The following DLG2 variants were observed in gnomAD, a reference collection of about 807,000 sequenced individuals.
DLG2 encodes the protein disks large homolog 2.
Under a neutral mutation model 132.5 loss-of-function variants are expected in DLG2, and 45 were observed. The ratio of observed to expected loss-of-function variants is 0.34; its 90% CI spans 0.27 to 0.44. The LOEUF is 0.44. Among genes scored for constraint, DLG2 ranks in the 20% least tolerant of loss-of-function variants. DLG2 has a pLI of 1.00. For synonymous variants in DLG2, 424 were observed against 419.6 expected (o/e 1.01, Z -0.13); for missense variants, 1,045 against 1,196.9 (o/e 0.87, Z 1.87).
At chr11:84,218,736 G>A (rs1010761754) in intron 8 of DLG2, among the ~76,000 whole-genome samples, 1 of 152,116 alleles carries the variant, frequency 6.6e-6, no homozygotes, top group Non-Finnish European at 1.5e-5. Flanking sequence ...TGTCCCTCAG[G>A]AAACATTTGG....
chr11:84,494,360 A>T (rs1194608026), intron 7 of DLG2, among the ~76,000 whole-genome samples: 1 of 152,178 alleles, frequency 6.6e-6, no homozygotes, highest in Non-Finnish European at 1.5e-5. Context: ...GAAAACAAAT[A>T]CTACTTTTGT....
intron 14 of DLG2, among the ~76,000 whole-genome samples, chr11:83,940,302 A>G (rs2082354251): frequency 6.6e-6 from 1 of 152,148 alleles, no homozygotes; most frequent in Admixed American, 6.5e-5. Context: ...CTCTCTTCTT[A>G]ACTCCCATAC....
At chr11:85,218,312 T>C (rs547397821) in intron 4 of DLG2, among the ~76,000 whole-genome samples, 94 of 152,288 alleles carry the variant, frequency 6.2e-4, no homozygotes, top group African/African-American at 2.1e-3. Context: ...ATCCAGAATT[T>C]GTCCTATGCA....
At chr11:84,856,136 T>C (rs1374767727) in intron 6 of DLG2, among the ~76,000 whole-genome samples, 2 of 152,108 alleles carry the variant, frequency 1.3e-5, no homozygotes, top group African/African-American at 4.8e-5. Flanking sequence ...AAAATCTGCC[T>C]TCCCATAGGT....
chr11:85,419,579 G>A (rs976072058), intron 3 of DLG2, among the ~76,000 whole-genome samples: 2 of 152,124 alleles, frequency 1.3e-5, no homozygotes, highest in African/African-American at 4.8e-5. Context: ...ATCAAATGTA[G>A]GTTTGGTCTT....
At chr11:85,570,009 A>G (rs982368223) in intron 3 of DLG2, among the ~76,000 whole-genome samples, 1 of 152,236 alleles carries the variant, frequency 6.6e-6, no homozygotes, top group African/African-American at 2.4e-5. Flanking sequence ...AGGGGGACGT[A>G]CGAAGTGGGG....
chr11:85,522,273 T>C (rs1407778562), intron 3 of DLG2, among the ~76,000 whole-genome samples: 2 of 152,100 alleles, frequency 1.3e-5, no homozygotes, highest in African/African-American at 4.8e-5. Context: ...GTTCTGTGGG[T>C]GCACAGAAGA....
intron 27 of DLG2, among the ~76,000 whole-genome samples, chr11:83,460,823 G>A (rs1486597410): frequency 2.6e-5 from 4 of 152,124 alleles, no homozygotes; most frequent in Admixed American, 2.0e-4. Flanking sequence ...CTACCTGGAT[G>A]TTCTTTTAGG....
intron 9 of DLG2, among the ~76,000 whole-genome samples, chr11:84,132,527 CTG>C (rs1450339443): frequency 6.6e-6 from 1 of 151,944 alleles, no homozygotes; most frequent in African/African-American, 2.4e-5. Context: ...TGAAAAAACT[CTG>C]TCACTGAATA....
At chr11:85,300,604 G>A (rs1280125690) in intron 3 of DLG2, among the ~76,000 whole-genome samples, 1 of 152,094 alleles carries the variant, frequency 6.6e-6, no homozygotes, top group Non-Finnish European at 1.5e-5. Context: ...CAGAATCCTT[G>A]GGGATCCATG....
chr11:84,931,905 T>G (rs1354301112), intron 6 of DLG2, among the ~76,000 whole-genome samples: 1 of 152,252 alleles, frequency 6.6e-6, no homozygotes, highest in South Asian at 2.1e-4. Context: ...GCTGGCTGCA[T>G]ACATGTCTTC....
chr11:83,998,216 A>C (rs1417172094), intron 11 of DLG2, among the ~76,000 whole-genome samples: 1 of 152,202 alleles, frequency 6.6e-6, no homozygotes, highest in African/African-American at 2.4e-5. Flanking sequence ...CCATTTGAGA[A>C]TTTAGAAGTG....
chr11:85,111,909 A>G lies in DLG2; in HGVS notation c.283-174T>C, dbSNP rs568674243. Reference sequence around the variant, plus strand: ...TAGGTACATAATTTCTACTCTTATCAAAGCATAAGAAATTATCCTTTTCCT... The same window carrying G: ...TAGGTACATAATTTCTACTCTTATCGAAGCATAAGAAATTATCCTTTTCCT... On this transcript the variant is annotated intron_variant, in intron 5 of 27. Coordinates refer to ENST00000376104, the MANE Select transcript of DLG2 (RefSeq NM_001142699.3). Among the ~76,000 whole-genome samples, 8 of 152,198 alleles carry G rather than the reference A, an allele frequency of 5.3e-5. No individual in the cohort carries two copies. In the South Asian group the frequency reaches 6.2e-4, roughly 12 times the overall value.
At chr11:84,023,904 CTTCT>C (rs1239487381) in intron 11 of DLG2, among the ~76,000 whole-genome samples, 2 of 152,104 alleles carry the variant, frequency 1.3e-5, no homozygotes, top group African/African-American at 4.8e-5. Flanking sequence ...TACATTTTCT[CTTCT>C]TTATGATTTT....
At chr11:85,406,956 G>A (rs989853742) in intron 3 of DLG2, among the ~76,000 whole-genome samples, 5 of 151,854 alleles carry the variant, frequency 3.3e-5, no homozygotes, top group African/African-American at 1.2e-4. Context: ...AGCAGATAAC[G>A]TTTAAGCAGA....
intron 6 of DLG2, among the ~76,000 whole-genome samples, chr11:84,571,064 C>T (rs759723136): frequency 1.3e-5 from 2 of 152,152 alleles, no homozygotes; most frequent in Non-Finnish European, 2.9e-5. Context: ...TACCCTAGCT[C>T]TGTGTTCCTA....
intron 12 of DLG2, among the ~76,000 whole-genome samples, chr11:83,979,780 G>A (rs1159835369): frequency 6.6e-6 from 1 of 152,096 alleles, no homozygotes; most frequent in Non-Finnish European, 1.5e-5. Context: ...AAAGGACTGT[G>A]GAAATACGCT....
chr11:85,250,101 C>T (rs1450550997), intron 4 of DLG2, among the ~76,000 whole-genome samples: 1 of 152,084 alleles, frequency 6.6e-6, no homozygotes, highest in Non-Finnish European at 1.5e-5. Context: ...TGATTGTGTC[C>T]ACATGGGTGA....
chr11:83,631,070 T>G (rs1328045985), intron 19 of DLG2: 2 of 151,618 alleles, frequency 1.3e-5, no homozygotes, highest in East Asian at 3.9e-4. Flanking sequence ...AGCATCTGTA[T>G]GAAAATCCTG....
Sources: gnomAD v4.1 joint callset for allele counts (sites outside exome capture counted in the v4.1 genomes callset) on GRCh38, gnomAD v4.1.1 for gene constraint, MANE v1.5 for transcripts, NCBI Gene and HGNC (gene_info 2026-07-23, HGNC 2026-07-21) for gene names.